TBC1D5: variants seen among roughly 807,000 people sequenced by gnomAD.
TBC1D5 encodes TBC1 domain family, member 5.
TBC1D5 carries 75 observed loss-of-function variants against 100.3 expected under a neutral mutation model. That is an observed-to-expected ratio of 0.75 (90% confidence interval 0.62 to 0.91). The LOEUF is 0.91. Ranked by LOEUF, TBC1D5 falls within the 40% of genes least tolerant of loss-of-function variation. The probability of loss-of-function intolerance (pLI) is 0.00; values close to 1 mark genes in which losing one functional copy is unlikely to be tolerated. For synonymous variants in TBC1D5, 323 were observed against 325.6 expected, an observed-to-expected ratio of 0.99 and a Z score of 0.09; for missense variants, 910 against 942.4, an observed-to-expected ratio of 0.97 and a Z score of 0.45.
At chr3:17,203,192 G>A (rs540198735) in intron 18 of TBC1D5, among the ~76,000 whole-genome samples, 5 of 152,326 alleles carry the variant, frequency 3.3e-5, no homozygotes, top group East Asian at 3.9e-4. Flanking sequence ...TGGAGTCAAA[G>A]GAGATCATTT....
intron 12 of TBC1D5, among the ~76,000 whole-genome samples, chr3:17,372,477 A>C (rs2092514741): frequency 6.6e-6 from 1 of 152,206 alleles, no homozygotes; most frequent in African/African-American, 2.4e-5. Context: ...AGGGTAATTA[A>C]GACGAATGTT....
intron 2 of TBC1D5, among the ~76,000 whole-genome samples, chr3:17,551,864 T>C (rs1274908880): frequency 6.6e-6 from 1 of 152,168 alleles, no homozygotes. Flanking sequence ...AACAACTGCG[T>C]ATTAAAATAA....
chr3:17,602,207 T>C (rs186824524), intron 2 of TBC1D5, among the ~76,000 whole-genome samples: 2 of 152,342 alleles, frequency 1.3e-5, no homozygotes, highest in African/African-American at 4.8e-5. Context: ...CCTTTAAGTA[T>C]ACCTATCAGT....
intron 3 of TBC1D5, among the ~76,000 whole-genome samples, chr3:17,460,689 A>T (rs1263971759): frequency 6.6e-6 from 1 of 151,774 alleles, no homozygotes; most frequent in African/African-American, 2.4e-5. Context: ...GCATAGGCCC[A>T]CTCTTGCATA....
intron 14 of TBC1D5, among the ~76,000 whole-genome samples, chr3:17,297,571 TAA>T (rs35418915): frequency 1.1e-3 from 146 of 137,236 alleles, no homozygotes; most frequent in African/African-American, 1.9e-3. Flanking sequence ...GCGAGACTCC[TAA>T]AAAAAAAAAA....
At chr3:17,172,728 C>T (rs922784505) in intron 19 of TBC1D5, among the ~76,000 whole-genome samples, 1 of 152,200 alleles carries the variant, frequency 6.6e-6, no homozygotes, top group Admixed American at 6.5e-5. Context: ...ATCTCGAACT[C>T]TCAGGGTAAT....
At chr3:17,203,702 T>G (rs191503021) in intron 18 of TBC1D5, among the ~76,000 whole-genome samples, 27 of 152,288 alleles carry the variant, frequency 1.8e-4, no homozygotes, top group Admixed American at 3.9e-4. Flanking sequence ...CCCCCTTCAA[T>G]CTCTCTTTCT....
chr3:17,533,059 A>G (rs959903686), intron 2 of TBC1D5, among the ~76,000 whole-genome samples: 8 of 128,914 alleles, frequency 6.2e-5, no homozygotes, highest in African/African-American at 2.7e-4. Flanking sequence ...CCTGTCACAC[A>G]CACACACATA....
At chr3:17,331,906 G>T (rs1481007552) in intron 13 of TBC1D5, among the ~76,000 whole-genome samples, 2 of 152,208 alleles carry the variant, frequency 1.3e-5, no homozygotes, top group African/African-American at 4.8e-5. Context: ...TTTGGAAAAT[G>T]AGGTTGGAGA....
chr3:17,409,622 C>T (rs1347693528), intron 4 of TBC1D5, among the ~76,000 whole-genome samples: 2 of 152,066 alleles, frequency 1.3e-5, no homozygotes, highest in African/African-American at 2.4e-5. Context: ...CTCAAAAGTG[C>T]TACTCCAGTG....
intron 16 of TBC1D5, among the ~76,000 whole-genome samples, chr3:17,254,769 G>GGGGT (rs1553636765): frequency 9.6e-6 from 1 of 104,052 alleles, no homozygotes; most frequent in Non-Finnish European, 1.8e-5. Flanking sequence ...GCGGGGGTGG[G>GGGGT]GGGGGGGTCC....
In TBC1D5 at chr3:17,612,011, T is replaced by C. The variant is rs536242814; in HGVS notation, c.-36+11838A>G. Among the ~76,000 whole-genome samples, 39 of 152,048 alleles carry C rather than the reference T, an allele frequency of 2.6e-4. No homozygotes were observed. The South Asian group carries it at 6.9e-3, about 27-fold the overall frequency. On this transcript the variant is annotated intron_variant, in intron 2 of 21. Transcript: ENST00000253692. ...CACTGAAAATATTAAGAAATAAGAA[T>C]TGAAAAGAAGGCAGGGCACAGTGGC...
intron 3 of TBC1D5, among the ~76,000 whole-genome samples, chr3:17,444,964 T>G (rs2094750707): frequency 1.3e-5 from 2 of 152,196 alleles, no homozygotes; most frequent in Admixed American, 1.3e-4. Context: ...TATACAGAAC[T>G]GTCCATGTGA....
chr3:17,671,673 G>A (rs1360551668), intron 1 of TBC1D5, among the ~76,000 whole-genome samples: 1 of 152,090 alleles, frequency 6.6e-6, no homozygotes, highest in Non-Finnish European at 1.5e-5. Flanking sequence ...GAAAATCAAA[G>A]AAATAAACAT....
intron 2 of TBC1D5, among the ~76,000 whole-genome samples, chr3:17,614,021 C>G (rs913043134): frequency 1.3e-5 from 2 of 152,148 alleles, no homozygotes; most frequent in African/African-American, 4.8e-5. Context: ...GGTTTTCGGT[C>G]TAACATTCAA....
chr3:17,685,886 T>G (rs8179891), intron 1 of TBC1D5, among the ~76,000 whole-genome samples: 75,881 of 151,794 alleles, frequency 0.5, 20,508 homozygotes, highest in East Asian at 0.94. Context: ...AGGAGAATAA[T>G]AAGAAGAGCC....
intron 2 of TBC1D5, among the ~76,000 whole-genome samples, chr3:17,515,762 G>A (rs539989860): frequency 6.6e-6 from 1 of 152,184 alleles, no homozygotes; most frequent in East Asian, 1.9e-4. Context: ...GTTATAAGGT[G>A]TACACATCTT....
intron 1 of TBC1D5, among the ~76,000 whole-genome samples, chr3:17,670,936 T>C (rs1405134526): frequency 6.6e-6 from 1 of 152,222 alleles, no homozygotes; most frequent in East Asian, 1.9e-4. Flanking sequence ...TGTGCAGATA[T>C]CTAGCAGGTG....
chr3:17,261,490 G>A (rs373243276), intron 15 of TBC1D5, among the ~76,000 whole-genome samples: 3 of 151,604 alleles, frequency 2.0e-5, no homozygotes, highest in African/African-American at 2.4e-5. Flanking sequence ...GGGGTGGGGG[G>A]GGAGACAGGG....
Sources: gnomAD v4.1 joint callset for allele counts (sites outside exome capture counted in the v4.1 genomes callset) on GRCh38, gnomAD v4.1.1 for gene constraint, MANE v1.5 for transcripts, NCBI Gene and HGNC (gene_info 2026-07-23, HGNC 2026-07-21) for gene names.